SH3GL3: variants seen among roughly 807,000 people sequenced by gnomAD.
The protein encoded by SH3GL3 is endophilin-A3.
Under a neutral mutation model 47.7 loss-of-function variants are expected in SH3GL3, and 33 were observed. The ratio of observed to expected loss-of-function variants is 0.69; its 90% CI spans 0.52 to 0.92. The LOEUF (loss-of-function observed/expected upper bound fraction) is 0.92. Ranked by LOEUF, SH3GL3 falls within the 40% of genes least tolerant of loss-of-function variation. The pLI is 0.00. For missense variants in SH3GL3, 363 were observed against 417.8 expected, an observed-to-expected ratio of 0.87 and a Z score of 1.14; for synonymous variants, 155 against 148.8, an observed-to-expected ratio of 1.04 and a Z score of -0.30.
chr15:83,607,833 G>T (rs2060559955), intron 8 of SH3GL3, among the ~76,000 whole-genome samples: 1 of 125,244 alleles, frequency 8.0e-6, no homozygotes, highest in Non-Finnish European at 1.7e-5. Context: ...CCAGAACTCA[G>T]AGTGGCAAAT....
At chr15:83,560,675 G>T (rs954925812) in intron 2 of SH3GL3, among the ~76,000 whole-genome samples, 5 of 152,098 alleles carry the variant, frequency 3.3e-5, no homozygotes, top group Non-Finnish European at 5.9e-5. Context: ...TTTTATTACA[G>T]CAGTGAAAAG....
intron 6 of SH3GL3, among the ~76,000 whole-genome samples, chr15:83,578,768 C>T (rs1484432402): frequency 6.6e-6 from 1 of 151,792 alleles, no homozygotes; most frequent in African/African-American, 2.4e-5. Flanking sequence ...CCCCAAGCAA[C>T]AGCGATTTTG....
chr15:83,529,959 G>A (rs1467133332), intron 1 of SH3GL3, among the ~76,000 whole-genome samples: 1 of 152,118 alleles, frequency 6.6e-6, no homozygotes, highest in Non-Finnish European at 1.5e-5. Context: ...AGCTTCCCTG[G>A]TGTGCCACAC....
At chr15:83,567,689 C>G (rs899460191) in intron 3 of SH3GL3, among the ~76,000 whole-genome samples, 3 of 152,082 alleles carry the variant, frequency 2.0e-5, no homozygotes, top group Admixed American at 6.5e-5. Flanking sequence ...CTCAATCAGT[C>G]CTTGGGAGCA....
In SH3GL3 at chr15:83,480,260, T is replaced by C. The variant is rs183471677; in HGVS notation, c.45+32682T>C. On this transcript the variant is annotated intron_variant, in intron 1 of 8. Coordinates refer to ENST00000427482, the MANE Select transcript of SH3GL3 (RefSeq NM_003027.5). ...TTTGTTCCTTTGGAGTCTGTTGATA[T>C]AAATTCATATTTCTACACTGTTATA... Among the ~76,000 whole-genome samples the C allele has an allele frequency of 6.3e-3, 958 of 152,344 alleles. 7 individuals are homozygous for C. The highest frequency in any genetic ancestry group is 0.017 in the Middle Eastern group (5 of 294).
intron 1 of SH3GL3, among the ~76,000 whole-genome samples, chr15:83,486,301 G>A (rs1200612226): frequency 6.6e-6 from 1 of 152,048 alleles, no homozygotes; most frequent in African/African-American, 2.4e-5. Flanking sequence ...GTGGCATTTA[G>A]TAGTCACAGT....
chr15:83,618,437 C>T lies in SH3GL3; in HGVS notation c.*150C>T. On this transcript the variant is annotated 3_prime_UTR_variant, in exon 9 of 9. Transcript: ENST00000427482. ...TCTCTTTATAATGTATTTTATATCA[C>T]TTTAATTTGTATAAATGATTTTCTT... The T allele has an allele frequency of 1.7e-6, 1 of 593,520 alleles. No individual in the cohort carries two copies. The highest frequency in any genetic ancestry group is 3.0e-6 in the Non-Finnish European group (1 of 331,792). 36.8% of individuals were successfully genotyped at this position (593,520 alleles called of 1,614,324 possible).
chr15:83,515,904 C>G (rs1341264388), intron 1 of SH3GL3, among the ~76,000 whole-genome samples: 1 of 152,140 alleles, frequency 6.6e-6, no homozygotes, highest in African/African-American at 2.4e-5. Flanking sequence ...GTTTAATTCA[C>G]TGTAAAAATA....
chr15:83,461,005 C>A (rs1180427527), intron 1 of SH3GL3, among the ~76,000 whole-genome samples: 2 of 152,022 alleles, frequency 1.3e-5, no homozygotes, highest in African/African-American at 4.8e-5. Context: ...ATGGTGTGAA[C>A]CCGGGAGGCG....
intron 6 of SH3GL3, among the ~76,000 whole-genome samples, chr15:83,581,121 A>G (rs964559010): frequency 6.6e-6 from 1 of 152,190 alleles, no homozygotes; most frequent in African/African-American, 2.4e-5. Context: ...ACGCAATAAA[A>G]GCTTCACCGG....
chr15:83,488,936 C>G (rs1179688688), intron 1 of SH3GL3, among the ~76,000 whole-genome samples: 2 of 152,184 alleles, frequency 1.3e-5, no homozygotes, highest in Admixed American at 6.5e-5. Flanking sequence ...GATCTGTCTC[C>G]CTGACCCAGA....
chr15:83,447,650 T>C lies in SH3GL3; in HGVS notation c.45+72T>C. On this transcript the variant is annotated intron_variant, in intron 1 of 8. Coordinates refer to ENST00000427482, the MANE Select transcript of SH3GL3 (RefSeq NM_003027.5). This position sits in a 1 kb window ranked among gnomAD's most constrained non-coding sequence, Gnocchi z 5.1. ...GCGGCCCCCCGAGGCTCCCGGGCCT[T>C]TGGGACTCCTGTTCCCTGAAGGGCC... 1.8e-6 allele frequency: 2 copies of C among 1,136,406 alleles called. No individual in the cohort carries two copies. Among genetic ancestry groups the C allele is most frequent in the East Asian group, 3.2e-5 (1 of 31,514 alleles). The allele number at this position is 1,136,406 out of a possible 1,614,324, so 70.4% of individuals were successfully genotyped here. A position where few individuals can be genotyped will look rare whatever the true frequency, so the allele number is the denominator to read the frequency against.
intron 1 of SH3GL3, among the ~76,000 whole-genome samples, chr15:83,536,223 C>T (rs989379670): frequency 6.6e-6 from 1 of 152,030 alleles, no homozygotes; most frequent in African/African-American, 2.4e-5. Flanking sequence ...AGCCCAAAGC[C>T]GAGCCTGAGG....
At chr15:83,629,839 T>TAAAA in the SH3GL3 span, among the ~76,000 whole-genome samples, 1 of 151,888 alleles carries the variant, frequency 6.6e-6, no homozygotes, top group Admixed American at 6.6e-5. Context: ...AATAAATAAA[T>TAAAA]AAAGTACCAT....
intron 8 of SH3GL3, among the ~76,000 whole-genome samples, chr15:83,592,162 T>G (rs2060124117): frequency 6.6e-6 from 1 of 152,204 alleles, no homozygotes; most frequent in Non-Finnish European, 1.5e-5. Context: ...CTCTGATTCT[T>G]CAGTTTGGAT....
At chr15:83,456,922 G>T (rs573499023) in intron 1 of SH3GL3, among the ~76,000 whole-genome samples, 3 of 152,312 alleles carry the variant, frequency 2.0e-5, no homozygotes, top group African/African-American at 7.2e-5. Context: ...TTCTGGTAGA[G>T]ATGTAGCTTG....
intron 1 of SH3GL3, among the ~76,000 whole-genome samples, chr15:83,528,095 T>C (rs1397082993): frequency 1.3e-5 from 2 of 152,204 alleles, no homozygotes; most frequent in Non-Finnish European, 2.9e-5. Context: ...CTTTTTTCTC[T>C]TTCAGCACTT....
intron 1 of SH3GL3, among the ~76,000 whole-genome samples, chr15:83,466,982 C>T (rs962994395): frequency 3.9e-5 from 6 of 152,232 alleles, no homozygotes; most frequent in Middle Eastern, 3.4e-3. Flanking sequence ...ATGTTTTCTA[C>T]CAGTTTGTAG....
intron 1 of SH3GL3, among the ~76,000 whole-genome samples, chr15:83,491,445 C>T (rs1464109101): frequency 6.6e-6 from 1 of 152,186 alleles, no homozygotes; most frequent in East Asian, 1.9e-4. Flanking sequence ...CATTACAGTG[C>T]AGTAAGGCAG....
Sources: allele counts gnomAD v4.1 joint callset (sites outside exome capture counted in the v4.1 genomes callset), GRCh38; gene constraint gnomAD v4.1.1; non-coding constraint Gnocchi (gnomAD v3.1); transcripts MANE v1.5; gene names NCBI Gene and HGNC (gene_info 2026-07-23, HGNC 2026-07-21).